The following GABRG2 variants were observed in gnomAD, a reference collection of about 807,000 sequenced individuals.
GABRG2 encodes gamma-aminobutyric acid receptor subunit gamma-2.
A neutral mutation model predicts 56.4 loss-of-function variants in GABRG2; 16 were observed. That is an observed-to-expected ratio of 0.28 (90% CI 0.19 to 0.43). The LOEUF (loss-of-function observed/expected upper bound fraction) is 0.43. Ranked by LOEUF, GABRG2 falls within the 20% of genes least tolerant of loss-of-function variation. GABRG2 has a pLI of 1.00. For synonymous variants in GABRG2, 208 were observed against 205.5 expected, an observed-to-expected ratio of 1.01 and a Z score of -0.10; for missense variants, 327 against 582.7, an observed-to-expected ratio of 0.56 and a Z score of 4.52.
chr5:162,101,396 G>A (rs1281456883), intron 5 of GABRG2, 79 bp downstream of exon 5: 3 of 1,004,694 alleles, frequency 3.0e-6, no homozygotes, highest in Non-Finnish European at 4.7e-6. Context: ...ATTGAAAGAA[G>A]CATAACAAAT....
chr5:162,093,059 G>A (rs1760729311), intron 1 of GABRG2, among the ~76,000 whole-genome samples: 1 of 152,142 alleles, frequency 6.6e-6, no homozygotes, highest in Non-Finnish European at 1.5e-5. Context: ...AAGGGTTTCT[G>A]ATAGGTTTGG....
chr5:162,143,555 C>G (rs1053619213), intron 7 of GABRG2, among the ~76,000 whole-genome samples: 5 of 152,048 alleles, frequency 3.3e-5, no homozygotes, highest in African/African-American at 2.4e-5. Flanking sequence ...AATTCAACAC[C>G]CTTTCATCAG....
At chr5:162,112,576 A>T (rs1372214109) in intron 6 of GABRG2, among the ~76,000 whole-genome samples, 2 of 152,234 alleles carry the variant, frequency 1.3e-5, no homozygotes, top group Admixed American at 1.3e-4. Context: ...TCAGCATTGC[A>T]GATACGCACT....
At chr5:162,124,441 T>C (rs1763179801) in intron 6 of GABRG2, among the ~76,000 whole-genome samples, 1 of 151,870 alleles carries the variant, frequency 6.6e-6, no homozygotes, top group Non-Finnish European at 1.5e-5. Context: ...TCAGAATTAC[T>C]CACCCCTAGA....
rs211035 is a variant in GABRG2, at chr5:162,102,565, A to G, written c.631+1248A>G. The G allele has an allele frequency of 0.82, 370,829 of 454,032 alleles. 151,858 individuals carry two copies. The highest frequency in any genetic ancestry group is 0.88 in the Admixed American group (37,367 of 42,540). The allele number at this position is 454,032 out of a possible 1,614,324, so 28.1% of individuals were successfully genotyped here. A position where few individuals can be genotyped will look rare whatever the true frequency, so the allele number is the denominator to read the frequency against. The stretch of plus-strand genomic sequence containing the variant: ...TTTGTTTTGGACAGGGTCTCGTTCT[A>G]TTGCCCAGGCTGGAATGTGCAGTGG... On this transcript the variant is annotated intron_variant, in intron 5 of 9. Transcript: ENST00000639213.
chr5:162,105,061 G>A (rs1761699916), intron 6 of GABRG2, among the ~76,000 whole-genome samples: 1 of 152,148 alleles, frequency 6.6e-6, no homozygotes, highest in African/African-American at 2.4e-5. Context: ...ATTTCCAAGA[G>A]TTGAGGTGTT....
chr5:162,126,261 G>A (rs1199659096), intron 6 of GABRG2, among the ~76,000 whole-genome samples: 1 of 151,946 alleles, frequency 6.6e-6, no homozygotes, highest in Non-Finnish European at 1.5e-5. Flanking sequence ...GACTGAAGAA[G>A]TCGTACTTGT....
intron 7 of GABRG2, among the ~76,000 whole-genome samples, chr5:162,145,588 T>C (rs1190431290): frequency 6.6e-6 from 1 of 152,196 alleles, no homozygotes; most frequent in Non-Finnish European, 1.5e-5. Flanking sequence ...GAAAATATCA[T>C]GAGGCAATTC....
intron 6 of GABRG2, among the ~76,000 whole-genome samples, chr5:162,109,447 G>T (rs1762103214): frequency 7.6e-6 from 1 of 131,322 alleles, no homozygotes; most frequent in South Asian, 2.3e-4. Flanking sequence ...ATGAAAACAT[G>T]ATTTCTGCCT....
chr5:162,093,496 C>T (rs1244306126), intron 1 of GABRG2, among the ~76,000 whole-genome samples: 1 of 152,054 alleles, frequency 6.6e-6, no homozygotes, highest in Admixed American at 6.6e-5. Flanking sequence ...ATCCTTTAAC[C>T]TCCATTTTCA....
At chr5:162,094,631 A>C (rs1488978784) in intron 2 of GABRG2, 1 of 152,982 alleles carries the variant, frequency 6.5e-6, no homozygotes, top group Non-Finnish European at 1.5e-5. Flanking sequence ...GAAGCCAATC[A>C]GATGATCCAG....
chr5:162,132,450 C>T, intron 6 of GABRG2, among the ~76,000 whole-genome samples: 1 of 151,976 alleles, frequency 6.6e-6, no homozygotes, highest in Non-Finnish European at 1.5e-5. Context: ...GCAGTCTCAT[C>T]ATTTCTATGT....
At chr5:162,094,958 T>G (rs1004325680) in intron 2 of GABRG2, among the ~76,000 whole-genome samples, 2 of 152,062 alleles carry the variant, frequency 1.3e-5, no homozygotes, top group Non-Finnish European at 2.9e-5. Context: ...GAAGATTAAT[T>G]TTGTGTTGGT....
intron 6 of GABRG2, among the ~76,000 whole-genome samples, chr5:162,134,960 T>C (rs1764014238): frequency 6.6e-6 from 1 of 152,232 alleles, no homozygotes; most frequent in Admixed American, 6.5e-5. Context: ...AGAAAAATTA[T>C]GTGAATGCAC....
chr5:162,101,709 T>C, intron 5 of GABRG2: 1 of 193,050 alleles, frequency 5.2e-6, no homozygotes, highest in Non-Finnish European at 1.1e-5. Context: ...ACATTGCTAG[T>C]TAAGGCCTGC....
intron 6 of GABRG2, among the ~76,000 whole-genome samples, chr5:162,129,795 A>G (rs1763600267): frequency 6.6e-6 from 1 of 151,994 alleles, no homozygotes; most frequent in African/African-American, 2.4e-5. Flanking sequence ...TTTGATACAT[A>G]TATTACATAT....
intron 1 of GABRG2, among the ~76,000 whole-genome samples, chr5:162,082,226 A>G (rs773151727): frequency 4.6e-5 from 7 of 151,836 alleles, no homozygotes; most frequent in Non-Finnish European, 8.9e-5. Context: ...ATTTTACAAT[A>G]TGCACATTAG....
intron 1 of GABRG2, among the ~76,000 whole-genome samples, chr5:162,068,732 C>A (rs968306706): frequency 6.6e-6 from 1 of 152,092 alleles, no homozygotes; most frequent in South Asian, 2.1e-4. Context: ...GCTTGTCTAA[C>A]CTGATAGAAC....
chr5:162,131,334 G>A (rs568026825), intron 6 of GABRG2, among the ~76,000 whole-genome samples: 85 of 152,152 alleles, frequency 5.6e-4, no homozygotes, highest in Admixed American at 2.4e-3. Context: ...TGTGCGTGGT[G>A]AACCTCCAGT....
Sources: gnomAD v4.1 joint callset for allele counts (sites outside exome capture counted in the v4.1 genomes callset) on GRCh38, gnomAD v4.1.1 for gene constraint, MANE v1.5 for transcripts, NCBI Gene and HGNC (gene_info 2026-07-23, HGNC 2026-07-21) for gene names.